Variants in ADGRE2 observed in about 807,000 individuals in gnomAD.
ADGRE2 encodes the protein CD97 antigen.
A neutral mutation model predicts 100.8 loss-of-function variants in ADGRE2; 83 were observed. The ratio of observed to expected loss-of-function variants is 0.82; its 90% CI spans 0.69 to 0.99. ADGRE2 has a LOEUF of 0.99. Ranked by LOEUF, ADGRE2 falls within the 50% of genes least tolerant of loss-of-function variation. The pLI is 0.00. For missense variants in ADGRE2, 814 were observed against 1,035.7 expected (o/e 0.79, Z 2.94); for synonymous variants, 355 against 413.0 (o/e 0.86, Z 1.70).
chr19:14,756,749 A>G (rs1178075779), intron 11 of ADGRE2, among the ~76,000 whole-genome samples: 1 of 152,168 alleles, frequency 6.6e-6, no homozygotes, highest in Non-Finnish European at 1.5e-5. Flanking sequence ...AAGTAATTTT[A>G]TGAGTCTAAT....
chr19:14,770,773 G>T (rs912621773), intron 5 of ADGRE2, among the ~76,000 whole-genome samples: 6 of 145,334 alleles, frequency 4.1e-5, no homozygotes, highest in Non-Finnish European at 8.9e-5. Flanking sequence ...TCTGCCTCTG[G>T]GTTCAGGTGA....
chr19:14,765,959 G>A, intron 7 of ADGRE2, 155 bp from the exon 8 acceptor site: 1 of 887,766 alleles, frequency 1.1e-6, no homozygotes, highest in Non-Finnish European at 1.8e-6. Context: ...GGCACAGCAG[G>A]TGGGCCCCGT....
At chr19:14,736,938 T>C (rs899246590) in intron 20 of ADGRE2, among the ~76,000 whole-genome samples, 3 of 111,254 alleles carry the variant, frequency 2.7e-5, no homozygotes, top group Non-Finnish European at 5.7e-5. Context: ...TTTAGAAATA[T>C]ATATGACTAT....
Position 14,776,838 on chromosome 19 carries a change from C to T in ADGRE2, c.-82G>A, listed in dbSNP as rs1198509467. The T allele has an allele frequency of 3.1e-6, 5 of 1,590,590 alleles. No individual in the cohort carries two copies. The highest frequency in any genetic ancestry group is 4.3e-6 in the Non-Finnish European group (5 of 1,168,822). ...TGTCCCGTCTCCGCAGGCTGGGCAG[C>T]TGTGCGGGCTGTCCCGAGGCCAGGA... On this transcript the variant is annotated 5_prime_UTR_variant, in exon 2 of 21. Transcript: ENST00000315576.
intron 5 of ADGRE2, chr19:14,772,088 T>C (rs918266430): frequency 5.5e-6 from 3 of 545,794 alleles, no homozygotes; most frequent in Middle Eastern, 5.0e-4. Context: ...GTAGTGATGT[T>C]GGTAATATCA....
Position 14,765,320 on chromosome 19 carries a change from C to T in ADGRE2, c.906G>A (p.Gln302=), listed in dbSNP as rs975942743. 8 of 1,613,988 alleles carry T rather than the reference C, an allele frequency of 5.0e-6. No homozygotes were observed. The highest frequency in any genetic ancestry group is 6.8e-6 in the Non-Finnish European group (8 of 1,180,044). The change falls in exon 10 of 21, where the codon CAG becomes CAA. Residue 302 remains glutamine, a splice_region_variant and synonymous_variant. Coordinates refer to ENST00000315576, the MANE Select transcript of ADGRE2 (RefSeq NM_013447.4). ...CCCTTGCCCTGGGTCCTGTCCTTAC[C>T]TGGATGGTGTTATTGGCCAAGCCTG... ...YKPGLANNTI[Q]SILQALDELL...
chr19:14,756,990 T>C (rs189746382), intron 11 of ADGRE2, among the ~76,000 whole-genome samples: 1 of 151,958 alleles, frequency 6.6e-6, no homozygotes, highest in East Asian at 1.9e-4. Flanking sequence ...CTCACTGCAG[T>C]CTCCTGGGCT....
chr19:14,728,647 T>C (rs1177311760), downstream of ADGRE2, among the ~76,000 whole-genome samples: 2 of 152,102 alleles, frequency 1.3e-5, no homozygotes, highest in South Asian at 2.1e-4. Context: ...ATGACGACAA[T>C]GGAAAGGATG....
At chr19:14,775,387 T>G (rs563109461) in intron 2 of ADGRE2, among the ~76,000 whole-genome samples, 50 of 152,226 alleles carry the variant, frequency 3.3e-4, no homozygotes, top group Middle Eastern at 3.4e-3. Flanking sequence ...ACTCCTGGCC[T>G]CAAGCGATCC....
chr19:14,763,196 A>G (rs2043792008), intron 11 of ADGRE2, among the ~76,000 whole-genome samples: 1 of 151,878 alleles, frequency 6.6e-6, no homozygotes, highest in Non-Finnish European at 1.5e-5. Flanking sequence ...ACAAAAAATT[A>G]GCTGGGCGTG....
intron 14 of ADGRE2, 73 bp downstream of exon 14, chr19:14,754,881 A>T: frequency 6.5e-7 from 1 of 1,538,918 alleles, no homozygotes; most frequent in Non-Finnish European, 8.9e-7. Context: ...TATTTTTTTA[A>T]AAGGCTGCTA....
At chr19:14,731,377 CG>C (rs767027675), downstream of ADGRE2, 7 of 606,312 alleles carry the variant, frequency 1.2e-5, no homozygotes, top group Non-Finnish European at 2.0e-5. Context: ...TTCCGGCTTC[CG>C]GGAGCTTAGT....
In ADGRE2 at chr19:14,755,042, C is replaced by T; in HGVS notation, c.1502G>A (p.Ser501Asn). The T allele has an allele frequency of 6.2e-7, 1 of 1,614,108 alleles. No homozygotes were observed. The highest frequency in any genetic ancestry group is 1.1e-5 in the South Asian group (1 of 91,080). Residue 501 changes from serine to asparagine, a missense_variant, in exon 14 of 21, where the codon AGC (serine) becomes AAC (asparagine). By Grantham distance (46) the Ser-to-Asn change is conservative (BLOSUM62 1). This residue lies in a region of ADGRE2 where 569 missense variants were observed against 692.7 expected (regional missense o/e 0.82). Coordinates refer to ENST00000315576, the MANE Select transcript of ADGRE2 (RefSeq NM_013447.4). ...GCTGGTGTCTCTGGTGCCTATTGTG[C>T]TGCAGCCTGTGGTGGCCCAGTGACC... ...GCGHWATTGC[S>N]TIGTRDTSTI...
At chr19:14,775,250 C>A (rs1477013208) in intron 2 of ADGRE2, among the ~76,000 whole-genome samples, 1 of 152,076 alleles carries the variant, frequency 6.6e-6, no homozygotes, top group Non-Finnish European at 1.5e-5. Flanking sequence ...GGTGATCTGC[C>A]CGCCTTGGCC....
At position 14,759,503 on chromosome 19, in the gene ADGRE2, A is replaced by ATATATATATATATATATATATATAT. The variant is rs60789454; in HGVS notation, c.1085-3159_1085-3158insATATATATATATATATATATATATA. ...ATAAGTTATACATATATATATATATATTTTTTTTTTTTAGACGGAGTCTCA... is the reference window on the plus strand; with the variant it reads ...ATAAGTTATACATATATATATATATATATATATATATATATATATATATATTTTTTTTTTTTTAGACGGAGTCTCA... On this transcript the variant is annotated intron_variant, in intron 11 of 20. Coordinates refer to ENST00000315576, the MANE Select transcript of ADGRE2 (RefSeq NM_013447.4). Among the ~76,000 whole-genome samples the ATATATATATATATATATATATATAT allele has an allele frequency of 1.4e-4, 19 of 133,348 alleles. 1 individual carries two copies. Among genetic ancestry groups the ATATATATATATATATATATATATAT allele is most frequent in the African/African-American group, 5.3e-4 (18 of 33,650 alleles). 87.5% of individuals were successfully genotyped at this position (133,348 alleles called of 152,430 possible).
rs781385716 is a variant in ADGRE2 at position 14,743,397 on chromosome 19, T to C, written c.2463+23A>G. The C allele has an allele frequency of 2.5e-6, 4 of 1,600,786 alleles. No individual in the cohort carries two copies. In the South Asian group the frequency reaches 3.3e-5, roughly 13 times the overall value. On this transcript the variant is annotated intron_variant, in intron 20 of 20. Transcript: ENST00000315576. ...TCAGGTGGGTCGGTTAGTGAAGTGCTCTGGAGCAATGCGTGATCTTACCGT... is the reference window on the plus strand; with the variant it reads ...TCAGGTGGGTCGGTTAGTGAAGTGCCCTGGAGCAATGCGTGATCTTACCGT...
intron 11 of ADGRE2, among the ~76,000 whole-genome samples, chr19:14,757,837 T>C (rs1211683166): frequency 6.6e-6 from 1 of 152,226 alleles, no homozygotes; most frequent in Non-Finnish European, 1.5e-5. Flanking sequence ...AGAGTCTTGC[T>C]CTGTCATCCA....
In ADGRE2 at chr19:14,739,622, AC is replaced by A. The variant is rs202221680; in HGVS notation, c.2464-3379del. 4.8e-3 allele frequency among the ~76,000 whole-genome samples: 730 copies of A among 152,122 alleles called. 15 individuals carry two copies. The highest frequency in any genetic ancestry group is 0.031 in the Admixed American group (474 of 15,266). Reference sequence around the variant, plus strand: ...TATGGGTATGAGAGACAGAATAATGACCCCCCAAAGAGGTTCACATCCCTAA... The same window carrying A: ...TATGGGTATGAGAGACAGAATAATGACCCCCAAAGAGGTTCACATCCCTAA... On this transcript the variant is annotated intron_variant, in intron 20 of 20. Transcript: ENST00000315576.
chr19:14,773,019 C>T (rs567183583), intron 4 of ADGRE2, among the ~76,000 whole-genome samples: 6 of 122,828 alleles, frequency 4.9e-5, no homozygotes, highest in African/African-American at 9.4e-5. Flanking sequence ...GTGGAGGTTG[C>T]GGTGAGCCGA....
Sources: allele counts gnomAD v4.1 joint callset (sites outside exome capture counted in the v4.1 genomes callset), GRCh38; gene constraint gnomAD v4.1.1; regional missense constraint gnomAD v4.1.1; transcripts MANE v1.5; gene names NCBI Gene and HGNC (gene_info 2026-07-23, HGNC 2026-07-21).